Variants in TMEFF2 observed in about 807,000 individuals in gnomAD.
TMEFF2 encodes transmembrane protein with EGF like and two follistatin like domains 2, also known as tomoregulin-2.
TMEFF2 carries 28 observed loss-of-function variants against 53.8 expected under a neutral mutation model. That is an observed-to-expected ratio of 0.52 (90% CI 0.39 to 0.71). TMEFF2 has a LOEUF of 0.71. Ranked by LOEUF, TMEFF2 falls within the 30% of genes least tolerant of loss-of-function variation. TMEFF2 has a pLI of 0.00. For synonymous variants in TMEFF2, 162 were observed against 166.3 expected (o/e 0.97, Z 0.20); for missense variants, 353 against 455.2 (o/e 0.78, Z 2.04).
intron 4 of TMEFF2, among the ~76,000 whole-genome samples, chr2:192,121,743 G>A (rs948648219): frequency 2.0e-5 from 3 of 152,052 alleles, no homozygotes; most frequent in Non-Finnish European, 2.9e-5. Flanking sequence ...CATTTTTCTA[G>A]CAGAACAGTA....
intron 7 of TMEFF2, among the ~76,000 whole-genome samples, chr2:191,966,552 G>A (rs560676436): frequency 8.0e-4 from 121 of 152,152 alleles, no homozygotes; most frequent in Middle Eastern, 6.8e-3. Context: ...ATTCTAATTT[G>A]GCCATTCACA....
At chr2:192,044,634 G>C (rs937194039) in intron 5 of TMEFF2, 1 of 152,244 alleles carries the variant, frequency 6.6e-6, no homozygotes, top group African/African-American at 2.4e-5. Context: ...CTTATGATCC[G>C]GTAGATCCAA....
intron 5 of TMEFF2, among the ~76,000 whole-genome samples, chr2:192,003,100 G>A (rs1472279776): frequency 3.9e-5 from 6 of 151,990 alleles, no homozygotes; most frequent in Admixed American, 6.6e-5. Context: ...TCCCCAACCC[G>A]CCCAATATCT....
rs1179252060 is a variant in TMEFF2 at position 191,964,474 on chromosome 2, C to CTCA, written c.746-8099_746-8097dup. On this transcript the variant is annotated intron_variant, in intron 7 of 9. Coordinates refer to ENST00000272771, the MANE Select transcript of TMEFF2 (RefSeq NM_016192.4). ...CATGTACCTTGTCTAGGGCCAATCC[C>CTCA]TCATGAATCTCAACCCCTCCATCAT... Among the ~76,000 whole-genome samples, 4 of 148,648 alleles carry CTCA rather than the reference C, an allele frequency of 2.7e-5. No individual in the cohort carries two copies. The Admixed American group carries it at 2.7e-4, about 10-fold the overall frequency.
intron 4 of TMEFF2, among the ~76,000 whole-genome samples, chr2:192,175,099 G>C (rs1691005935): frequency 6.6e-6 from 1 of 151,510 alleles, no homozygotes; most frequent in Non-Finnish European, 1.5e-5. Flanking sequence ...TAATCTCCAT[G>C]AGTGTAAAGA....
chr2:192,187,417 CA>C (rs1237307838), intron 2 of TMEFF2, among the ~76,000 whole-genome samples: 2 of 152,142 alleles, frequency 1.3e-5, no homozygotes, highest in Non-Finnish European at 2.9e-5. Context: ...AACATCAAGC[CA>C]TGGTGTTTCT....
Position 192,179,787 on chromosome 2 carries a change from CAAT to C in TMEFF2, c.413-96_413-94del, listed in dbSNP as rs1691141494. On this transcript the variant is annotated intron_variant, in intron 3 of 9. Transcript: ENST00000272771. The stretch of plus-strand genomic sequence containing the variant: ...AGTTTATTTTCTTAGTTTAATACTG[CAAT>C]AATATTGTTTGAGAAAAATACTAAT... The C allele has an allele frequency of 7.2e-6, 8 of 1,117,668 alleles. No individual in the cohort carries two copies. In the South Asian group the frequency reaches 1.5e-4, roughly 20 times the overall value. 69.2% of individuals were successfully genotyped at this position (1,117,668 alleles called of 1,614,324 possible).
chr2:191,991,949 A>G (rs1162317296), intron 7 of TMEFF2, among the ~76,000 whole-genome samples: 1 of 152,166 alleles, frequency 6.6e-6, no homozygotes, highest in Admixed American at 6.6e-5. Context: ...ATGAAAGCAC[A>G]GAAGTTCAAG....
At chr2:192,131,644 C>T (rs1188494046) in intron 4 of TMEFF2, among the ~76,000 whole-genome samples, 2 of 152,096 alleles carry the variant, frequency 1.3e-5, no homozygotes, top group Non-Finnish European at 2.9e-5. Flanking sequence ...AACCCCCATC[C>T]CTTCTCCGTG....
intron 4 of TMEFF2, among the ~76,000 whole-genome samples, chr2:192,126,403 AAATT>A (rs1187279760): frequency 1.3e-5 from 2 of 152,218 alleles, no homozygotes; most frequent in Non-Finnish European, 2.9e-5. Flanking sequence ...AAAATATTAC[AAATT>A]ATTTTGATAT....
chr2:191,982,504 CA>C (rs10678696), intron 7 of TMEFF2, among the ~76,000 whole-genome samples: 76 of 138,644 alleles, frequency 5.5e-4, no homozygotes, highest in African/African-American at 1.1e-3. Context: ...TGAAAACAGG[CA>C]AAAAAAAAAA....
intron 4 of TMEFF2, among the ~76,000 whole-genome samples, chr2:192,095,472 A>T (rs1256079832): frequency 6.6e-6 from 1 of 152,210 alleles, no homozygotes; most frequent in African/African-American, 2.4e-5. Context: ...ATGCACAGAC[A>T]CACAAGTAAA....
rs563154787 is a variant in TMEFF2 at position 191,953,883 on chromosome 2, A to ATTTTTTTTTTTTTTTTTTTTTTT, written c.870-69_870-47dup. 4 of 536,052 alleles carry ATTTTTTTTTTTTTTTTTTTTTTT rather than the reference A, an allele frequency of 7.5e-6. 1 individual carries two copies. In the African/African-American group the frequency reaches 8.9e-5, roughly 12 times the overall value. 33.2% of individuals were successfully genotyped at this position (536,052 alleles called of 1,614,324 possible). A position where few individuals can be genotyped will look rare whatever the true frequency, so the allele number is the denominator to read the frequency against. On this transcript the variant is annotated intron_variant, in intron 8 of 9. Coordinates refer to ENST00000272771, the MANE Select transcript of TMEFF2 (RefSeq NM_016192.4). ...CAGTTACCTGTAGGGTGCTGCATTC[A>ATTTTTTTTTTTTTTTTTTTTTTT]TTTTTTTTTTTTTTTTTTTTTTTTG...
At chr2:192,058,008 A>C (rs1687953329) in intron 4 of TMEFF2, among the ~76,000 whole-genome samples, 1 of 152,258 alleles carries the variant, frequency 6.6e-6, no homozygotes, top group Admixed American at 6.5e-5. Flanking sequence ...CATGCTAAAT[A>C]AAACAAAAAG....
At chr2:191,989,131 A>C (rs1686046737) in intron 7 of TMEFF2, among the ~76,000 whole-genome samples, 1 of 152,226 alleles carries the variant, frequency 6.6e-6, no homozygotes, top group Non-Finnish European at 1.5e-5. Context: ...TCCAATAAGG[A>C]CTGAGATATA....
chr2:192,057,148 T>C (rs1687928776), intron 5 of TMEFF2, among the ~76,000 whole-genome samples: 1 of 152,096 alleles, frequency 6.6e-6, no homozygotes, highest in African/African-American at 2.4e-5. Context: ...TGCTCAAGTG[T>C]TCCTCCCTCC....
At chr2:192,175,064 G>T (rs1380392902) in intron 4 of TMEFF2, among the ~76,000 whole-genome samples, 1 of 151,440 alleles carries the variant, frequency 6.6e-6, no homozygotes, top group Non-Finnish European at 1.5e-5. Context: ...TTTTTCCATT[G>T]TGTGCTCAGA....
At chr2:192,063,663 A>G (rs907140922) in intron 4 of TMEFF2, among the ~76,000 whole-genome samples, 1 of 151,812 alleles carries the variant, frequency 6.6e-6, no homozygotes, top group Non-Finnish European at 1.5e-5. Context: ...TAAAATCTAT[A>G]TTGGTGACAG....
chr2:192,165,828 A>G (rs1237701386), intron 4 of TMEFF2, among the ~76,000 whole-genome samples: 1 of 152,180 alleles, frequency 6.6e-6, no homozygotes, highest in African/African-American at 2.4e-5. Flanking sequence ...GAAATGTCAG[A>G]AATCATACTT....
Sources: allele counts gnomAD v4.1 joint callset (sites outside exome capture counted in the v4.1 genomes callset), GRCh38; gene constraint gnomAD v4.1.1; transcripts MANE v1.5; gene names NCBI Gene and HGNC (gene_info 2026-07-23, HGNC 2026-07-21).